The following CSMD1 variants were observed in gnomAD, a reference collection of about 807,000 sequenced individuals.
The protein encoded by CSMD1 is CUB and sushi domain-containing protein 1.
CSMD1 carries 213 observed loss-of-function variants against 417.5 expected under a neutral mutation model. That is an observed-to-expected ratio of 0.51 (90% confidence interval 0.46 to 0.57). The LOEUF (loss-of-function observed/expected upper bound fraction) is 0.57, where lower values mean the gene tolerates loss of function less well. Ranked by LOEUF, CSMD1 falls within the 20% of genes least tolerant of loss-of-function variation. The pLI, the probability that CSMD1 is intolerant of heterozygous loss-of-function variation, is 0.00. For synonymous variants in CSMD1, 2,862 were observed against 1,736.8 expected, an observed-to-expected ratio of 1.65 and a Z score of -16.11; for missense variants, 6,923 against 4,529.7, an observed-to-expected ratio of 1.53 and a Z score of -15.17.
intron 1 of CSMD1, among the ~76,000 whole-genome samples, chr8:4,666,194 C>G (rs1313478052): frequency 6.6e-6 from 1 of 152,140 alleles, no homozygotes; most frequent in African/African-American, 2.4e-5. Context: ...TGTCTAAGTC[C>G]TACTTCCTGG....
chr8:3,125,546 AG>A lies in CSMD1; in HGVS notation c.6242-6960del, dbSNP rs146661115. Among the ~76,000 whole-genome samples the A allele has an allele frequency of 8.6e-3, 1,311 of 152,376 alleles. 27 individuals carry two copies. The highest frequency in any genetic ancestry group is 0.03 in the African/African-American group (1,265 of 41,592). ...ACCTTCTAGGGTAAAGGGTGGTAAA[AG>A]CCACGATTATCAAACAAATTCTGAT... is the stretch of plus-strand genomic sequence containing the variant. On this transcript the variant is annotated intron_variant, in intron 41 of 69. Transcript: ENST00000635120.
At chr8:2,947,710 A>G (rs1037977926) in intron 68 of CSMD1, among the ~76,000 whole-genome samples, 3 of 152,200 alleles carry the variant, frequency 2.0e-5, no homozygotes, top group Non-Finnish European at 1.5e-5. Context: ...CTACAGAGAG[A>G]AAGGAGGACA....
chr8:3,709,153 A>ACTT (rs1801347762), intron 6 of CSMD1, among the ~76,000 whole-genome samples: 1 of 146,214 alleles, frequency 6.8e-6, no homozygotes, highest in South Asian at 2.1e-4. Flanking sequence ...AAGAAGTTTC[A>ACTT]TTTTTTTTTT....
At chr8:4,278,105 G>T (rs1244769460) in intron 3 of CSMD1, among the ~76,000 whole-genome samples, 1 of 152,056 alleles carries the variant, frequency 6.6e-6, no homozygotes, top group East Asian at 1.9e-4. Flanking sequence ...ATCCTTTATG[G>T]TTCTCTTTCT....
rs539950855 is a variant in CSMD1 at position 3,219,566 on chromosome 8, A to G, written c.4485-124T>C. ...GTATAATGATTTTTCAGTTAGGGCA[A>G]TCAAAAAGTTAAATGTAGTATGAAT... On this transcript the variant is annotated intron_variant, in intron 28 of 69. Coordinates refer to ENST00000635120, the MANE Select transcript of CSMD1 (RefSeq NM_033225.6). 1.1e-5 allele frequency: 7 copies of G among 633,424 alleles called. No individual in the cohort carries two copies. The East Asian group carries it at 1.9e-4, about 17-fold the overall frequency. The allele number at this position is 633,424 out of a possible 1,614,324, so 39.2% of individuals were successfully genotyped here. A position where few individuals can be genotyped will look rare whatever the true frequency, so the allele number is the denominator to read the frequency against.
At chr8:3,852,381 C>A (rs369715157) in intron 5 of CSMD1, among the ~76,000 whole-genome samples, 1 of 152,050 alleles carries the variant, frequency 6.6e-6, no homozygotes. Context: ...CTACTCCCAG[C>A]CAAGTGGATG....
chr8:4,816,924 T>C (rs1054569072), intron 1 of CSMD1, among the ~76,000 whole-genome samples: 6 of 152,160 alleles, frequency 3.9e-5, no homozygotes, highest in African/African-American at 1.4e-4. Context: ...CACTCCCATC[T>C]ACTGCCAGAA....
chr8:4,951,434 A>G (rs535330009), intron 1 of CSMD1, among the ~76,000 whole-genome samples: 123 of 151,688 alleles, frequency 8.1e-4, no homozygotes, highest in African/African-American at 3.0e-3. Context: ...AAAGAAAAAG[A>G]AAGAAAGAGG....
rs111367501 is a variant in CSMD1, at chr8:4,296,128, A to G, written c.415+123825T>C. ...GAGAGAAATCTTAATCAAAACCACA[A>G]TAAGAAGCGAAAATGGAAGGTGTGG... On this transcript the variant is annotated intron_variant, in intron 3 of 69. Coordinates refer to ENST00000635120, the MANE Select transcript of CSMD1 (RefSeq NM_033225.6). Among the ~76,000 whole-genome samples the G allele has an allele frequency of 1.7e-3, 256 of 152,200 alleles. 2 individuals are homozygous for G. Among genetic ancestry groups the G allele is most frequent in the African/African-American group, 6.1e-3 (252 of 41,546 alleles).
Position 2,951,196 on chromosome 8 carries a change from T to TA in CSMD1, c.10118dup (p.Thr3374AsnfsTer3). Reference sequence around the variant, plus strand: ...TTGTTGCATTGAACCAGTCAACAGTTAGAGTGGCGGGTTGTCTTTTCCCTA... The same window carrying TA: ...TTGTTGCATTGAACCAGTCAACAGTTAAGAGTGGCGGGTTGTCTTTTCCCTA... On this transcript the variant is annotated frameshift_variant, in exon 66 of 70. Coordinates refer to ENST00000635120, the MANE Select transcript of CSMD1 (RefSeq NM_033225.6). LOFTEE classifies it high-confidence loss of function. The TA allele has an allele frequency of 6.2e-7, 1 of 1,613,474 alleles. No homozygotes were observed. The highest frequency in any genetic ancestry group is 1.7e-5 in the Admixed American group (1 of 59,940).
In CSMD1 at chr8:4,904,413, C is replaced by T. The variant is rs546304350; in HGVS notation, c.85+89919G>A. ...CAGTAGTCAGGCAAAGAACAAACAACTTATATCTCACAAATAAAACTAGCT... is the reference window on the plus strand; with the variant it reads ...CAGTAGTCAGGCAAAGAACAAACAATTTATATCTCACAAATAAAACTAGCT... On this transcript the variant is annotated intron_variant, in intron 1 of 69. Coordinates refer to ENST00000635120, the MANE Select transcript of CSMD1 (RefSeq NM_033225.6). 3.3e-5 allele frequency among the ~76,000 whole-genome samples: 5 copies of T among 152,248 alleles called. No individual in the cohort carries two copies. In the East Asian group the frequency reaches 9.6e-4, roughly 29 times the overall value.
chr8:4,981,965 C>T lies in CSMD1; in HGVS notation c.85+12367G>A, dbSNP rs1289496729. On this transcript the variant is annotated intron_variant, in intron 1 of 69. Coordinates refer to ENST00000635120, the MANE Select transcript of CSMD1 (RefSeq NM_033225.6). The stretch of plus-strand genomic sequence containing the variant: ...GTCCCAGGTGACAACCGTGTGTGGC[C>T]CCCAGGAACTGATGGTAAACTCTGG... Among the ~76,000 whole-genome samples, 4 of 152,096 alleles carry T rather than the reference C, an allele frequency of 2.6e-5. No individual in the cohort carries two copies. In the East Asian group the frequency reaches 7.7e-4, roughly 29 times the overall value.
rs544318395 is a variant in CSMD1, at chr8:4,354,459, A to G, written c.415+65494T>C. On this transcript the variant is annotated intron_variant, in intron 3 of 69. Transcript: ENST00000635120. ...AGAACACCAAACATCTGCGTTAGCTAAAATTATAATACATGGGGTGGAATG... is the reference window on the plus strand; with the variant it reads ...AGAACACCAAACATCTGCGTTAGCTGAAATTATAATACATGGGGTGGAATG... 3.5e-4 allele frequency among the ~76,000 whole-genome samples: 53 copies of G among 152,308 alleles called. 1 individual carries two copies. Among genetic ancestry groups the G allele is most frequent in the African/African-American group, 1.2e-3 (50 of 41,578 alleles).
chr8:4,400,409 CAT>C (rs1364282231), intron 3 of CSMD1, among the ~76,000 whole-genome samples: 1 of 152,220 alleles, frequency 6.6e-6, no homozygotes, highest in Non-Finnish European at 1.5e-5. Context: ...GTTCCAGGAG[CAT>C]ATGTTTGTAC....
At chr8:4,345,839 T>C (rs1800747913) in intron 3 of CSMD1, among the ~76,000 whole-genome samples, 1 of 152,152 alleles carries the variant, frequency 6.6e-6, no homozygotes. Context: ...AGCAGCGACC[T>C]ACATTGGAGT....
At chr8:3,645,147 C>T (rs1797515152) in intron 7 of CSMD1, among the ~76,000 whole-genome samples, 1 of 152,080 alleles carries the variant, frequency 6.6e-6, no homozygotes, top group African/African-American at 2.4e-5. Context: ...GGATGAGTAA[C>T]ATAAGATCAA....
intron 5 of CSMD1, among the ~76,000 whole-genome samples, chr8:3,774,392 CAA>C (rs1471894975): frequency 6.6e-6 from 1 of 152,132 alleles, no homozygotes; most frequent in African/African-American, 2.4e-5. Flanking sequence ...ATGCAAAACA[CAA>C]GTTTTTCAAA....
chr8:3,855,761 G>C (rs1366162731), intron 5 of CSMD1, among the ~76,000 whole-genome samples: 1 of 152,146 alleles, frequency 6.6e-6, no homozygotes, highest in Non-Finnish European at 1.5e-5. Context: ...AAATCCTAGA[G>C]TCTGCTGACT....
chr8:4,566,895 C>CAGTGAGAAAAACTCAATTTAGG (rs1554514086), intron 2 of CSMD1, among the ~76,000 whole-genome samples: 3 of 151,306 alleles, frequency 2.0e-5, no homozygotes, highest in African/African-American at 7.3e-5. Flanking sequence ...TGTTTTCCAG[C>CAGTGAGAAAAACTCAATTTAGG]AATGAGAAAA....
Sources: gnomAD v4.1 joint callset for allele counts (sites outside exome capture counted in the v4.1 genomes callset) on GRCh38, gnomAD v4.1.1 for gene constraint, MANE v1.5 for transcripts, NCBI Gene and HGNC (gene_info 2026-07-23, HGNC 2026-07-21) for gene names.